The following GRM7 variants were observed in gnomAD, a reference collection of about 807,000 sequenced individuals.
GRM7 encodes glutamate metabotropic receptor 7.
A neutral mutation model predicts 84.5 loss-of-function variants in GRM7; 35 were observed. The observed-to-expected ratio is 0.41, with a 90% CI of 0.32 to 0.55. GRM7 has a LOEUF of 0.55. Among genes scored for constraint, GRM7 ranks in the 20% least tolerant of loss-of-function variants. The pLI is 0.19. For missense variants in GRM7, 1,003 were observed against 1,194.6 expected (o/e 0.84, Z 2.36); for synonymous variants, 487 against 455.1 (o/e 1.07, Z -0.89).
In GRM7 at chr3:7,013,749, G is replaced by A. The variant is rs573434817; in HGVS notation, c.520-132703G>A. Among the ~76,000 whole-genome samples the A allele has an allele frequency of 3.9e-5, 6 of 152,206 alleles. No individual in the cohort carries two copies. In the South Asian group the frequency reaches 1.2e-3, roughly 32 times the overall value. On this transcript the variant is annotated intron_variant, in intron 1 of 9. Transcript: ENST00000357716. ...TCCAGTCTAGGCTGAGCAAAATAGT[G>A]AGAACCCTATCTCTTACAATTTTTT...
At chr3:7,489,549 C>T (rs546220057) in intron 7 of GRM7, among the ~76,000 whole-genome samples, 1 of 152,262 alleles carries the variant, frequency 6.6e-6, no homozygotes, top group South Asian at 2.1e-4. Context: ...TGACATCTAT[C>T]TGTAAGGGTG....
chr3:7,173,585 A>C (rs1695053445), intron 2 of GRM7, among the ~76,000 whole-genome samples: 1 of 152,116 alleles, frequency 6.6e-6, no homozygotes, highest in East Asian at 1.9e-4. Context: ...CCTTTTCCAC[A>C]TTGCCTATTT....
intron 8 of GRM7, among the ~76,000 whole-genome samples, chr3:7,584,228 T>G (rs1350628435): frequency 6.6e-6 from 1 of 152,236 alleles, no homozygotes; most frequent in Non-Finnish European, 1.5e-5. Context: ...TCAGAATTAA[T>G]GAAACCTCAT....
chr3:7,107,934 C>T (rs1464893210), intron 1 of GRM7, among the ~76,000 whole-genome samples: 4 of 151,980 alleles, frequency 2.6e-5, no homozygotes, highest in African/African-American at 9.7e-5. Flanking sequence ...AAGAGACAGG[C>T]AGATGTTTGA....
intron 2 of GRM7, among the ~76,000 whole-genome samples, chr3:7,266,253 T>C (rs1034340034): frequency 3.3e-5 from 5 of 152,214 alleles, no homozygotes; most frequent in African/African-American, 9.6e-5. Context: ...AACCCACTTT[T>C]TATGGCTAGA....
At chr3:7,498,636 T>C (rs1474800154) in intron 7 of GRM7, among the ~76,000 whole-genome samples, 1 of 152,176 alleles carries the variant, frequency 6.6e-6, no homozygotes, top group African/African-American at 2.4e-5. Flanking sequence ...ACTTGATCAG[T>C]GTGTGTGACC....
chr3:7,539,314 T>A lies in GRM7; in HGVS notation c.1516-39108T>A, dbSNP rs780727005. Among the ~76,000 whole-genome samples, 33 of 152,154 alleles carry A rather than the reference T, an allele frequency of 2.2e-4. 1 individual carries two copies. Among genetic ancestry groups the A allele is most frequent in the Non-Finnish European group, 4.4e-4 (30 of 68,008 alleles). ...AGCGTGCGTAATTCCATGAAAAAGA[T>A]GTGCTTTTCACCTGACGATCAGGAA... On this transcript the variant is annotated intron_variant, in intron 7 of 9. Transcript: ENST00000357716.
chr3:7,554,216 T>C (rs73019824), intron 7 of GRM7, among the ~76,000 whole-genome samples: 8 of 152,372 alleles, frequency 5.3e-5, no homozygotes, highest in Non-Finnish European at 1.0e-4. Context: ...TTTAAGAATA[T>C]GCTTGTAGAT....
chr3:7,619,641 G>A (rs1697266409), intron 8 of GRM7, among the ~76,000 whole-genome samples: 1 of 152,106 alleles, frequency 6.6e-6, no homozygotes, highest in Admixed American at 6.6e-5. Context: ...GAAGATCAGT[G>A]AACGTGGAAG....
At chr3:7,342,899 A>G (rs768184986) in intron 4 of GRM7, among the ~76,000 whole-genome samples, 6 of 152,152 alleles carry the variant, frequency 3.9e-5, no homozygotes, top group Non-Finnish European at 8.8e-5. Context: ...GGGGACTGCA[A>G]TCTCTCATCT....
chr3:7,697,849 G>A (rs1305750316), intron 9 of GRM7, among the ~76,000 whole-genome samples: 1 of 152,186 alleles, frequency 6.6e-6, no homozygotes, highest in African/African-American at 2.4e-5. Context: ...TTGGCTTTCA[G>A]TGCCAACTAT....
intron 2 of GRM7, among the ~76,000 whole-genome samples, chr3:7,243,680 A>G (rs1268832236): frequency 2.0e-5 from 3 of 152,070 alleles, no homozygotes; most frequent in Non-Finnish European, 4.4e-5. Flanking sequence ...ATACACTCAT[A>G]TATCACTTAA....
At chr3:7,479,875 G>T (rs759779642) in intron 7 of GRM7, among the ~76,000 whole-genome samples, 4 of 152,174 alleles carry the variant, frequency 2.6e-5, no homozygotes, top group Non-Finnish European at 5.9e-5. Context: ...AGGCTGGAAA[G>T]ATTTTTAAAT....
intron 2 of GRM7, among the ~76,000 whole-genome samples, chr3:7,219,094 C>T (rs1489934525): frequency 1.3e-5 from 2 of 151,968 alleles, no homozygotes; most frequent in African/African-American, 4.8e-5. Flanking sequence ...AGGTTTTTTC[C>T]CATTTAGTCG....
intron 1 of GRM7, among the ~76,000 whole-genome samples, chr3:6,970,336 AC>A (rs1431528310): frequency 3.3e-5 from 5 of 152,226 alleles, no homozygotes; most frequent in South Asian, 4.1e-4. Context: ...GTTCAAACTT[AC>A]TATTGTGTCT....
chr3:6,966,093 T>C (rs1209462484), intron 1 of GRM7, among the ~76,000 whole-genome samples: 1 of 152,210 alleles, frequency 6.6e-6, no homozygotes, highest in African/African-American at 2.4e-5. Context: ...CGAAATGCCC[T>C]TGGGGCTCTC....
chr3:7,645,419 C>T (rs561342629), intron 8 of GRM7, among the ~76,000 whole-genome samples: 32 of 151,606 alleles, frequency 2.1e-4, no homozygotes, highest in African/African-American at 3.4e-4. Flanking sequence ...TGGTGGTGCG[C>T]GCCTGTAATC....
intron 7 of GRM7, among the ~76,000 whole-genome samples, chr3:7,504,347 A>G (rs566757457): frequency 2.9e-4 from 44 of 152,272 alleles, no homozygotes; most frequent in Admixed American, 3.9e-4. Context: ...CAGTTCTCCA[A>G]TCAGCTGCCT....
chr3:6,937,619 ACT>A (rs1169231876), intron 1 of GRM7, among the ~76,000 whole-genome samples: 1 of 151,890 alleles, frequency 6.6e-6, no homozygotes, highest in African/African-American at 2.4e-5. Context: ...AGCCTCAGAC[ACT>A]CTTCCTGAAA....
Sources: gnomAD v4.1 joint callset for allele counts (sites outside exome capture counted in the v4.1 genomes callset) on GRCh38, gnomAD v4.1.1 for gene constraint, MANE v1.5 for transcripts, NCBI Gene and HGNC (gene_info 2026-07-23, HGNC 2026-07-21) for gene names.